SLC22A17: variants seen among roughly 807,000 people sequenced by gnomAD.
The protein encoded by SLC22A17 is 24p3 receptor.
A neutral mutation model predicts 53.6 loss-of-function variants in SLC22A17; 38 were observed. The observed-to-expected ratio is 0.71, with a 90% confidence interval of 0.55 to 0.93. The LOEUF (loss-of-function observed/expected upper bound fraction) is 0.93. SLC22A17 is among the 40% of genes least tolerant of loss of function. The pLI, the probability that SLC22A17 is intolerant of heterozygous loss-of-function variation, is 0.00. For synonymous variants in SLC22A17, 379 were observed against 353.0 expected (o/e 1.07, Z -0.82); for missense variants, 704 against 791.0 (o/e 0.89, Z 1.32).
Position 23,347,299 on chromosome 14 carries a change from C to G in SLC22A17, c.1550-87G>C. ...GGTGTCATCCCCTTGGCTCTCTGTT[C>G]CCATGGCTCTAGCTGGGCAGGCTCT... On this transcript the variant is annotated intron_variant, in intron 8 of 9. Coordinates refer to ENST00000397267, the Ensembl canonical transcript of SLC22A17. This position sits in a 1 kb window ranked among gnomAD's most constrained non-coding sequence, Gnocchi z 5.1. 1 of 1,479,016 alleles carries G rather than the reference C, an allele frequency of 6.8e-7. No homozygotes were observed. The highest frequency in any genetic ancestry group is 1.3e-5 in the South Asian group (1 of 77,072). 91.6% of individuals were successfully genotyped at this position (1,479,016 alleles called of 1,614,324 possible).
Position 23,348,414 on chromosome 14 carries a change from G to T in SLC22A17, c.1025+92C>A, listed in dbSNP as rs373223723. 2.5e-6 allele frequency: 4 copies of T among 1,582,188 alleles called. No individual in the cohort carries two copies. The highest frequency in any genetic ancestry group is 4.5e-5 in the East Asian group (2 of 44,604). On this transcript the variant is annotated intron_variant, in intron 5 of 9. Coordinates refer to ENST00000397267, the Ensembl canonical transcript of SLC22A17. The surrounding 1 kb of genome is among the most constrained non-coding windows in gnomAD (Gnocchi z 4.5). ...GGGGCTGGGGTAGGCCTGGACCAGG[G>T]GTAGTTGGAGAAGAGGAGGGGTCTC... is the stretch of plus-strand genomic sequence containing the variant.
rs933375783 is a variant in SLC22A17, at chr14:23,348,355, T to C, written c.1026-49A>G. 3 of 1,607,176 alleles carry C rather than the reference T, an allele frequency of 1.9e-6. No individual in the cohort carries two copies. Among genetic ancestry groups the C allele is most frequent in the Non-Finnish European group, 2.6e-6 (3 of 1,175,528 alleles). On this transcript the variant is annotated intron_variant, in intron 5 of 9. Transcript: ENST00000397267. The surrounding 1 kb of genome is among the most constrained non-coding windows in gnomAD (Gnocchi z 4.5). ...TACTGTGAGGCCTCCCTTCTCCTGA[T>C]CTAGGGGTGGGAAATGTGCACCTCT...
Position 23,347,704 on chromosome 14 carries a change from G to A in SLC22A17, c.1305C>T (p.Cys435=). 1 of 1,613,952 alleles carries A rather than the reference G, an allele frequency of 6.2e-7. No individual in the cohort carries two copies. Residue 435 remains cysteine, a synonymous_variant, in exon 8 of 10, where the codon TGC becomes TGT. Transcript: ENST00000397267. This position sits in a 1 kb window ranked among gnomAD's most constrained non-coding sequence, Gnocchi z 5.1. ...TCCCTCCTCCTCCCACAGGCTGGTAGCAGTGGCGAATGGCATGGGCAATGA... is the reference window on the plus strand; with the variant it reads ...TCCCTCCTCCTCCCACAGGCTGGTAACAGTGGCGAATGGCATGGGCAATGA...
chr14:23,348,186 C>T lies in SLC22A17; in HGVS notation c.1146G>A (p.Gly382=), dbSNP rs1426295525. ...CCTGCAGGGCCTCCTGGGCCTCCTC[C>T]CCCAGCATCTGCCCATGGGGCCGGT... The change falls in exon 6 of 10, where the codon GGG becomes GGA. Residue 382 remains glycine (G), a synonymous_variant. Coordinates refer to ENST00000397267, the Ensembl canonical transcript of SLC22A17. This position sits in a 1 kb window ranked among gnomAD's most constrained non-coding sequence, Gnocchi z 4.5. The T allele has an allele frequency of 6.2e-7, 1 of 1,614,116 alleles. No homozygotes were observed. The highest frequency in any genetic ancestry group is 1.1e-5 in the South Asian group (1 of 91,086).
Position 23,352,352 on chromosome 14 carries a change from C to A in SLC22A17, c.196G>T (p.Gly66Cys), listed in dbSNP as rs1223393096. The change falls in exon 2 of 10, where the codon GGC (glycine) becomes TGC (cysteine). Residue 66 changes from glycine (G) to cysteine (C), a missense_variant. By Grantham distance (159) the Gly-to-Cys change is radical. This residue lies in a region of SLC22A17 where 42 missense variants were observed against 28.2 expected (regional missense o/e 1.49). Coordinates refer to ENST00000397267, the Ensembl canonical transcript of SLC22A17. The surrounding 1 kb of genome is among the most constrained non-coding windows in gnomAD (Gnocchi z 7.2). ...GGCACGGCCAGCGACAGGCTGCTGC[C>A]CAGTCCGTCGCCGCCCGCGTCTCCC... 1 of 1,009,540 alleles carries A rather than the reference C, an allele frequency of 9.9e-7. No individual in the cohort carries two copies. Among genetic ancestry groups the A allele is most frequent in the Non-Finnish European group, 1.3e-6 (1 of 747,350 alleles). The allele number at this position is 1,009,540 out of a possible 1,614,324, so 62.5% of individuals were successfully genotyped here. A position where few individuals can be genotyped will look rare whatever the true frequency, so the allele number is the denominator to read the frequency against.
rs1889351781 is a variant in SLC22A17, at chr14:23,348,150, C to T, written c.1171+11G>A. The T allele has an allele frequency of 8.7e-6, 14 of 1,613,890 alleles. No homozygotes were observed. The highest frequency in any genetic ancestry group is 1.2e-5 in the Non-Finnish European group (14 of 1,179,928). On this transcript the variant is annotated intron_variant, in intron 6 of 9. Coordinates refer to ENST00000397267, the Ensembl canonical transcript of SLC22A17. This position sits in a 1 kb window ranked among gnomAD's most constrained non-coding sequence, Gnocchi z 4.5. Reference sequence around the variant, plus strand: ...AGTGAGGCAACACTCACAGGGATCCCTGTCTCTTACCCTGCAGGGCCTCCT... The same window carrying T: ...AGTGAGGCAACACTCACAGGGATCCTTGTCTCTTACCCTGCAGGGCCTCCT...
intron 3 of SLC22A17, chr14:23,351,531 TC>T: frequency 1.9e-6 from 1 of 540,440 alleles, no homozygotes; most frequent in Non-Finnish European, 3.3e-6. Context: ...GGACTAATAG[TC>T]CATAGAGGTC....
At chr14:23,349,909 T>C (rs1889516759) in intron 3 of SLC22A17, 1 of 168,666 alleles carries the variant, frequency 5.9e-6, no homozygotes, top group Non-Finnish European at 1.3e-5. Flanking sequence ...AGGATACTAC[T>C]GGTCAGTGAA....
exon 4 of SLC22A17, chr14:23,349,309 A>G: frequency 1.2e-6 from 2 of 1,614,080 alleles, no homozygotes; most frequent in South Asian, 1.1e-5. Flanking sequence ...CGGCAAGCAG[A>G]AAGCCCAAGA....
At chr14:23,349,552 C>T (rs1475968671) in intron 3 of SLC22A17, 126 bp from the exon 4 acceptor site, 3 of 1,182,974 alleles carry the variant, frequency 2.5e-6, no homozygotes, top group Non-Finnish European at 3.5e-6. Context: ...AAGAGTTGGA[C>T]AGAGGCTTGA....
At position 23,347,046 on chromosome 14, in the gene SLC22A17, G is replaced by A. The variant is rs941348339; in HGVS notation, c.1661+55C>T. On this transcript the variant is annotated intron_variant, in intron 9 of 9. Coordinates refer to ENST00000397267, the Ensembl canonical transcript of SLC22A17. The surrounding 1 kb of genome is among the most constrained non-coding windows in gnomAD (Gnocchi z 5.1). ...GGCCCTGTCCTCAGGGGTGGGGTGG[G>A]GGAGCGGGAGGCGAGGGGGCCCGGC... 2.9e-5 allele frequency: 45 copies of A among 1,540,088 alleles called. No individual in the cohort carries two copies. The highest frequency in any genetic ancestry group is 3.9e-5 in the Non-Finnish European group (45 of 1,142,588).
rs1253503707 is a variant in SLC22A17, at chr14:23,352,218, C to T, written c.330G>A (p.Leu110=). ...TGAAGATGGGGTCCGAGGCCATGCC[C>T]AGAGCCACGAAGAGCACCGGCAGGC... The change falls in exon 2 of 10, where the codon CTG becomes CTA. Residue 110 remains leucine, a synonymous_variant. Coordinates refer to ENST00000397267, the Ensembl canonical transcript of SLC22A17. This position sits in a 1 kb window ranked among gnomAD's most constrained non-coding sequence, Gnocchi z 7.2. 13 of 1,481,536 alleles carry T rather than the reference C, an allele frequency of 8.8e-6. No homozygotes were observed. Among genetic ancestry groups the T allele is most frequent in the Non-Finnish European group, 1.2e-5 (13 of 1,120,392 alleles). The allele number at this position is 1,481,536 out of a possible 1,614,324, so 91.8% of individuals were successfully genotyped here.
At position 23,352,347 on chromosome 14, in the gene SLC22A17, G is replaced by A; in HGVS notation, c.201C>T (p.Ser67=). The A allele has an allele frequency of 9.4e-7, 1 of 1,067,858 alleles. No homozygotes were observed. Among genetic ancestry groups the A allele is most frequent in the Non-Finnish European group, 1.3e-6 (1 of 796,884 alleles). 66.1% of individuals were successfully genotyped at this position (1,067,858 alleles called of 1,614,324 possible). A position where few individuals can be genotyped will look rare whatever the true frequency, so the allele number is the denominator to read the frequency against. The stretch of plus-strand genomic sequence containing the variant: ...CTGGGGGCACGGCCAGCGACAGGCT[G>A]CTGCCCAGTCCGTCGCCGCCCGCGT... Residue 67 remains serine, a synonymous_variant, in exon 2 of 10, where the codon AGC becomes AGT. Coordinates refer to ENST00000397267, the Ensembl canonical transcript of SLC22A17. The surrounding 1 kb of genome is among the most constrained non-coding windows in gnomAD (Gnocchi z 7.2).
At position 23,348,842 on chromosome 14, in the gene SLC22A17, T is replaced by G. The variant is rs563612291; in HGVS notation, c.860-171A>C. The stretch of plus-strand genomic sequence containing the variant: ...TCTGGGTGGCAAGGACTGGGGAGAC[T>G]GTTCAGCCCTCTCTCCTCTCCTGCT... On this transcript the variant is annotated intron_variant, in intron 4 of 9. Coordinates refer to ENST00000397267, the Ensembl canonical transcript of SLC22A17. This position sits in a 1 kb window ranked among gnomAD's most constrained non-coding sequence, Gnocchi z 4.5. The G allele has an allele frequency of 1.5e-6, 1 of 686,730 alleles. No homozygotes were observed. The highest frequency in any genetic ancestry group is 1.8e-5 in the African/African-American group (1 of 55,536). The allele number at this position is 686,730 out of a possible 1,614,324, so 42.5% of individuals were successfully genotyped here.
Position 23,347,295 on chromosome 14 carries a change from T to G in SLC22A17, c.1550-83A>C. ...CCCGGGTGTCATCCCCTTGGCTCTC[T>G]GTTCCCATGGCTCTAGCTGGGCAGG... On this transcript the variant is annotated intron_variant, in intron 8 of 9. Coordinates refer to ENST00000397267, the Ensembl canonical transcript of SLC22A17. This position sits in a 1 kb window ranked among gnomAD's most constrained non-coding sequence, Gnocchi z 5.1. 6.7e-7 allele frequency: 1 copy of G among 1,483,052 alleles called. No homozygotes were observed. 91.9% of individuals were successfully genotyped at this position (1,483,052 alleles called of 1,614,324 possible).
At chr14:23,349,199 T>C (rs1458091977) in intron 4 of SLC22A17, 73 bp downstream of exon 4, 2 of 1,596,678 alleles carry the variant, frequency 1.3e-6, no homozygotes, top group Non-Finnish European at 1.7e-6. Flanking sequence ...TAGGGGGCAG[T>C]GAGGATGGCC....
Position 23,352,747 on chromosome 14 carries a change from C to T in SLC22A17, c.-6G>A. 5.0e-6 allele frequency: 2 copies of T among 399,024 alleles called. No individual in the cohort carries two copies. The highest frequency in any genetic ancestry group is 8.8e-6 in the Non-Finnish European group (2 of 226,348). 24.7% of individuals were successfully genotyped at this position (399,024 alleles called of 1,614,324 possible). On this transcript the variant is annotated 5_prime_UTR_variant, in exon 1 of 10. Transcript: ENST00000397267. This position sits in a 1 kb window ranked among gnomAD's most constrained non-coding sequence, Gnocchi z 7.2. Reference sequence around the variant, plus strand: ...GTGGCCACCCGGGGAGCCAGCTTGCCGACCGCAGGGGCCCTGCCGGCCCGC... The same window carrying T: ...GTGGCCACCCGGGGAGCCAGCTTGCTGACCGCAGGGGCCCTGCCGGCCCGC...
rs1053777084 is a variant in SLC22A17 at position 23,352,408 on chromosome 14, T to C, written c.140A>G (p.Gln47Arg). 16 of 547,558 alleles carry C rather than the reference T, an allele frequency of 2.9e-5. No homozygotes were observed. The highest frequency in any genetic ancestry group is 4.8e-5 in the Non-Finnish European group (16 of 332,344). 33.9% of individuals were successfully genotyped at this position (547,558 alleles called of 1,614,324 possible). A position where few individuals can be genotyped will look rare whatever the true frequency, so the allele number is the denominator to read the frequency against. Residue 47 changes from glutamine to arginine, a missense_variant, in exon 2 of 10, where the codon CAG becomes CGG. Gln to Arg is a conservative substitution (Grantham distance 43). Transcript: ENST00000397267. The surrounding 1 kb of genome is among the most constrained non-coding windows in gnomAD (Gnocchi z 7.2). ...CTCCCGCTCGCGCTCCCGCTCACCC[T>C]GCAGCTGCTCCGTGGGCACCGCATC...
chr14:23,348,869 A>C lies in SLC22A17; in HGVS notation c.860-198T>G, dbSNP rs1889427849. The C allele has an allele frequency of 4.7e-6, 3 of 631,780 alleles. No individual in the cohort carries two copies. Among genetic ancestry groups the C allele is most frequent in the Non-Finnish European group, 8.1e-6 (3 of 369,062 alleles). 39.1% of individuals were successfully genotyped at this position (631,780 alleles called of 1,614,324 possible). A position where few individuals can be genotyped will look rare whatever the true frequency, so the allele number is the denominator to read the frequency against. On this transcript the variant is annotated intron_variant, in intron 4 of 9. Coordinates refer to ENST00000397267, the Ensembl canonical transcript of SLC22A17. The surrounding 1 kb of genome is among the most constrained non-coding windows in gnomAD (Gnocchi z 4.5). Reference sequence around the variant, plus strand: ...TTCAGCCCTCTCTCCTCTCCTGCTCAAACCTAGGAGGGCTCTAGGGCCAGA... The same window carrying C: ...TTCAGCCCTCTCTCCTCTCCTGCTCCAACCTAGGAGGGCTCTAGGGCCAGA...
Sources: gnomAD v4.1 joint callset for allele counts on GRCh38, gnomAD v4.1.1 for gene constraint, gnomAD v4.1.1 regional missense constraint, Gnocchi (gnomAD v3.1) non-coding constraint, MANE v1.5 for transcripts, NCBI Gene and HGNC (gene_info 2026-07-23, HGNC 2026-07-21) for gene names.